Variants in TTC4 observed in about 807,000 individuals in gnomAD.
The protein encoded by TTC4 is tetratricopeptide repeat domain 4.
In TTC4, 36 loss-of-function variants were observed where a neutral mutation model predicts 51.9. That is an observed-to-expected ratio of 0.69 (90% confidence interval 0.53 to 0.92). The LOEUF is 0.92. Among genes scored for constraint, TTC4 ranks in the 40% least tolerant of loss-of-function variants. TTC4 has a pLI of 0.00. For synonymous variants in TTC4, 144 were observed against 164.2 expected, an observed-to-expected ratio of 0.88 and a Z score of 0.94; for missense variants, 399 against 454.6, an observed-to-expected ratio of 0.88 and a Z score of 1.11.
rs1645691678 is a variant in TTC4, at chr1:54,717,599, C to A, written c.337C>A (p.Pro113Thr). 6.2e-7 allele frequency: 1 copy of A among 1,611,768 alleles called. No individual in the cohort carries two copies. The highest frequency in any genetic ancestry group is 8.5e-7 in the Non-Finnish European group (1 of 1,179,184). ...TEGLKKKCAD[P>T]DLNAVLYTNR... ...AGGCTTAAAGAAGAAATGTGCAGAT[C>A]CTGATTTGAATGCTGTCCTTTATAC... Residue 113 changes from proline to threonine, a missense_variant, in exon 3 of 10, where the codon CCT becomes ACT. Pro to Thr is a conservative substitution (Grantham distance 38). This residue lies in a region of TTC4 where 316 missense variants were observed against 349.6 expected (regional missense o/e 0.90). Coordinates refer to ENST00000371281, the MANE Select transcript of TTC4 (RefSeq NM_004623.5).
chr1:54,724,504 G>A (rs1388372142), intron 5 of TTC4, among the ~76,000 whole-genome samples: 2 of 151,918 alleles, frequency 1.3e-5, no homozygotes, highest in Non-Finnish European at 2.9e-5. Flanking sequence ...TCAAACTCCT[G>A]GGCTTTAATC....
chr1:54,726,846 C>T (rs368696103), intron 5 of TTC4, among the ~76,000 whole-genome samples: 34 of 151,108 alleles, frequency 2.3e-4, no homozygotes, highest in Admixed American at 4.0e-4. Context: ...GATCATGGCT[C>T]GCTGCAACCT....
intron 6 of TTC4, among the ~76,000 whole-genome samples, chr1:54,728,950 A>G (rs1225322077): frequency 1.3e-5 from 2 of 152,082 alleles, no homozygotes; most frequent in African/African-American, 4.8e-5. Flanking sequence ...TCAGCATACA[A>G]TTTTTCTTCT....
At position 54,715,967 on chromosome 1, in the gene TTC4, A is replaced by G. The variant is rs1234539946; in HGVS notation, c.59A>G (p.Lys20Arg). ...SDDVMDSFLE[K>R]FQSQPYRGGF... ...GACGTCATGGACTCGTTCCTGGAAA[A>G]GTTCCAGAGCCAGCCTTACCGTGGC... Residue 20 changes from lysine to arginine, a missense_variant, in exon 1 of 10, where the codon AAG (lysine) becomes AGG (arginine). This residue lies in a region of TTC4 where 316 missense variants were observed against 349.6 expected (regional missense o/e 0.90). Transcript: ENST00000371281. 3 of 1,606,058 alleles carry G rather than the reference A, an allele frequency of 1.9e-6. No individual in the cohort carries two copies. The highest frequency in any genetic ancestry group is 2.6e-6 in the Non-Finnish European group (3 of 1,176,336).
At chr1:54,732,806 C>G (rs1212034131) in intron 7 of TTC4, among the ~76,000 whole-genome samples, 1 of 150,898 alleles carries the variant, frequency 6.6e-6, no homozygotes, top group Non-Finnish European at 1.5e-5. Context: ...ATTATGTCAG[C>G]TGGGCATGGT....
intron 3 of TTC4, 27 bp from the exon 4 acceptor site, chr1:54,721,136 C>G: frequency 6.2e-7 from 1 of 1,610,540 alleles, no homozygotes; most frequent in Non-Finnish European, 8.5e-7. Flanking sequence ...CAAAACTTCT[C>G]TCTTTTACTA....
intron 9 of TTC4, 48 bp from the exon 10 acceptor site, chr1:54,741,363 A>C: frequency 6.7e-7 from 1 of 1,499,480 alleles, no homozygotes; most frequent in Non-Finnish European, 9.3e-7. Flanking sequence ...ATGGATGGTT[A>C]AGATTGTAAT....
At chr1:54,738,842 T>C (rs1645978905) in intron 9 of TTC4, among the ~76,000 whole-genome samples, 2 of 151,812 alleles carry the variant, frequency 1.3e-5, no homozygotes, top group Admixed American at 1.3e-4. Flanking sequence ...TTTGTATTTT[T>C]AGTAGAGACG....
intron 3 of TTC4, among the ~76,000 whole-genome samples, chr1:54,720,936 G>GT (rs1427184822): frequency 6.6e-6 from 1 of 151,840 alleles, no homozygotes; most frequent in Non-Finnish European, 1.5e-5. Context: ...CATTAGTGAT[G>GT]TTGAACGTCT....
chr1:54,733,747 ATTT>A (rs371403281), intron 8 of TTC4, 37 bp downstream of exon 8: 4,565 of 796,812 alleles, frequency 5.7e-3, no homozygotes, highest in Non-Finnish European at 6.4e-3. Flanking sequence ...TATGGAATTA[ATTT>A]TTTTTTTTTT....
rs1484027929 is a variant in TTC4 at position 54,731,604 on chromosome 1, G to A, written c.800G>A (p.Ser267Asn). The change falls in exon 7 of 10, where the codon AGT (serine) becomes AAT (asparagine). Residue 267 changes from serine (S) to asparagine (N), a missense_variant. Around this residue, in one of 3 missense-constraint regions of TTC4, gnomAD observed 316 missense variants for 349.6 expected, o/e 0.90. Coordinates refer to ENST00000371281, the MANE Select transcript of TTC4 (RefSeq NM_004623.5). ...STENPHGARL[S>N]LDGQGRLSWP... ...GAGAACCCCCATGGAGCCAGGCTGA[G>A]TCTAGATGGCCAGGGCAGGCTGAGC... The A allele has an allele frequency of 6.2e-7, 1 of 1,614,006 alleles. No individual in the cohort carries two copies. Among genetic ancestry groups the A allele is most frequent in the East Asian group, 2.2e-5 (1 of 44,880 alleles).
At chr1:54,717,255 T>A (rs1198604348) in intron 2 of TTC4, among the ~76,000 whole-genome samples, 1 of 152,216 alleles carries the variant, frequency 6.6e-6, no homozygotes, top group East Asian at 1.9e-4. Flanking sequence ...TCCTTTATAC[T>A]TCTTTTTTTT....
In TTC4 at chr1:54,731,526, A is replaced by C. The variant is rs747077232; in HGVS notation, c.722A>C (p.Glu241Ala). 6.2e-7 allele frequency: 1 copy of C among 1,613,938 alleles called. No individual in the cohort carries two copies. Among genetic ancestry groups the C allele is most frequent in the East Asian group, 2.2e-5 (1 of 44,858 alleles). Residue 241 changes from glutamate to alanine, a missense_variant, in exon 7 of 10, where the codon GAA (glutamate) becomes GCA (alanine). Around this residue, in one of 3 missense-constraint regions of TTC4, gnomAD observed 316 missense variants for 349.6 expected, o/e 0.90. Coordinates refer to ENST00000371281, the MANE Select transcript of TTC4 (RefSeq NM_004623.5). ...IRLSEAACEDEDSASEGLGEL... is the reference protein window; with the variant it reads ...IRLSEAACEDADSASEGLGEL... ...CTCTCAGAAGCTGCCTGTGAGGATG[A>C]AGATTCAGCCTCAGAAGGTCTAGGT...
intron 8 of TTC4, among the ~76,000 whole-genome samples, chr1:54,736,152 A>G (rs1023401957): frequency 7.2e-6 from 1 of 138,104 alleles, no homozygotes; most frequent in African/African-American, 3.0e-5. Context: ...AGCTTGGGGG[A>G]GAAAGAGAGA....
intron 7 of TTC4, 131 bp from the exon 8 acceptor site, chr1:54,733,498 C>T (rs1353729522): frequency 2.0e-6 from 1 of 497,144 alleles, no homozygotes; most frequent in East Asian, 3.2e-5. Context: ...TGGGGTACTG[C>T]TGTCAAATGG....
At chr1:54,740,224 T>C (rs1242671046) in intron 9 of TTC4, among the ~76,000 whole-genome samples, 1 of 152,158 alleles carries the variant, frequency 6.6e-6, no homozygotes, top group East Asian at 1.9e-4. Context: ...AGTGTACTGT[T>C]CAGTGGTGAG....
chr1:54,739,145 T>C (rs1342799579), intron 9 of TTC4, among the ~76,000 whole-genome samples: 1 of 151,988 alleles, frequency 6.6e-6, no homozygotes, highest in Non-Finnish European at 1.5e-5. Flanking sequence ...GTGCTGAGAT[T>C]ACAGATGTGA....
At chr1:54,729,198 C>T (rs72909885) in intron 6 of TTC4, among the ~76,000 whole-genome samples, 18,108 of 152,112 alleles carry the variant, frequency 0.12, 1,801 homozygotes, top group African/African-American at 0.26. Flanking sequence ...GAGCAGAGCC[C>T]GTGATTTCAT....
chr1:54,722,578 T>A (rs1302189520), intron 4 of TTC4, 97 bp from the exon 5 acceptor site: 1 of 1,550,792 alleles, frequency 6.4e-7, no homozygotes, highest in Non-Finnish European at 8.7e-7. Flanking sequence ...GCCTTCAGGG[T>A]ACTGGCTGGT....
Sources: gnomAD v4.1 joint callset for allele counts (sites outside exome capture counted in the v4.1 genomes callset) on GRCh38, gnomAD v4.1.1 for gene constraint, gnomAD v4.1.1 regional missense constraint, MANE v1.5 for transcripts, NCBI Gene and HGNC (gene_info 2026-07-23, HGNC 2026-07-21) for gene names.